The following GATB variants were observed in gnomAD, a reference collection of about 807,000 sequenced individuals.
The protein encoded by GATB is glutamyl-tRNA amidotransferase subunit B.
A neutral mutation model predicts 62.3 loss-of-function variants in GATB; 39 were observed. The observed-to-expected ratio is 0.63, with a 90% CI of 0.48 to 0.82. The LOEUF (loss-of-function observed/expected upper bound fraction) is 0.82. Ranked by LOEUF, GATB falls within the 40% of genes least tolerant of loss-of-function variation. The pLI, the probability that GATB is intolerant of heterozygous loss-of-function variation, is 0.00. For synonymous variants in GATB, 276 were observed against 258.9 expected (o/e 1.07, Z -0.63); for missense variants, 670 against 684.0 (o/e 0.98, Z 0.23).
chr4:151,738,479 C>A (rs1215050238), intron 2 of GATB, among the ~76,000 whole-genome samples: 1 of 152,188 alleles, frequency 6.6e-6, no homozygotes, highest in Non-Finnish European at 1.5e-5. Flanking sequence ...TGAGGCCTCC[C>A]CAGCCAGGTG....
Position 151,760,958 on chromosome 4 carries a change from C to T in GATB, c.25G>A (p.Gly9Ser), listed in dbSNP as rs148032516. 6.2e-7 allele frequency: 1 copy of T among 1,612,646 alleles called. No individual in the cohort carries two copies. The highest frequency in any genetic ancestry group is 8.5e-7 in the Non-Finnish European group (1 of 1,179,576). MAAPMLRWGCRGRRWAFAR... is the reference protein window; with the variant it reads MAAPMLRWSCRGRRWAFAR... ...AAAGCCCAACGTCTTCCACGGCAGCCCCAGCGCAGCATGGGCGCCGCCATT... is the reference window on the plus strand; with the variant it reads ...AAAGCCCAACGTCTTCCACGGCAGCTCCAGCGCAGCATGGGCGCCGCCATT... The change falls in exon 1 of 13, where the codon GGC (glycine) becomes AGC (serine). Residue 9 changes from glycine (G) to serine (S), a missense_variant. By Grantham distance (56) the Gly-to-Ser change is moderately conservative. Coordinates refer to ENST00000263985, the MANE Select transcript of GATB (RefSeq NM_004564.3).
chr4:151,697,987 A>ATATATATGTG (rs1738522403), intron 9 of GATB, among the ~76,000 whole-genome samples: 1 of 139,244 alleles, frequency 7.2e-6, no homozygotes, highest in African/African-American at 2.8e-5. Flanking sequence ...ATATATATAT[A>ATATATATGTG]TATATATGAA....
intron 11 of GATB, among the ~76,000 whole-genome samples, chr4:151,679,321 C>T (rs1455332962): frequency 3.9e-5 from 6 of 152,312 alleles, no homozygotes; most frequent in South Asian, 2.1e-4. Context: ...TTTCACACAC[C>T]GGGCATGTCT....
rs1167259787 is a variant in GATB, at chr4:151,671,315, A to T, written c.1546-13T>A. 3.4e-6 allele frequency: 5 copies of T among 1,478,788 alleles called. No homozygotes were observed. In the South Asian group the frequency reaches 4.7e-5, roughly 14 times the overall value. 91.6% of individuals were successfully genotyped at this position (1,478,788 alleles called of 1,614,324 possible). On this transcript the variant is annotated splice_polypyrimidine_tract_variant and intron_variant, in intron 12 of 12. Transcript: ENST00000263985. The stretch of plus-strand genomic sequence containing the variant: ...TCACATCCATTACCTAGAAGGACAG[A>T]AATTACTTACTTAAGAGGAGAAAAT...
At chr4:151,729,915 C>T (rs938095660) in intron 2 of GATB, among the ~76,000 whole-genome samples, 4 of 152,136 alleles carry the variant, frequency 2.6e-5, no homozygotes, top group Non-Finnish European at 5.9e-5. Context: ...GAGCAGCATG[C>T]GGAGGCTTGC....
chr4:151,706,927 G>T (rs1560851447), intron 6 of GATB, among the ~76,000 whole-genome samples: 1 of 152,104 alleles, frequency 6.6e-6, no homozygotes, highest in Non-Finnish European at 1.5e-5. Flanking sequence ...GTCCTCTGAG[G>T]TCCTCCCCTT....
intron 10 of GATB, among the ~76,000 whole-genome samples, chr4:151,686,646 C>T (rs549828642): frequency 2.2e-4 from 16 of 72,774 alleles, no homozygotes; most frequent in Non-Finnish European, 3.2e-4. Context: ...CACCAGTCCC[C>T]GCCCCGCCCC....
intron 2 of GATB, among the ~76,000 whole-genome samples, chr4:151,747,927 A>G (rs1739635009): frequency 2.6e-5 from 4 of 152,164 alleles, no homozygotes; most frequent in Admixed American, 2.6e-4. Context: ...TGTAAGAAGC[A>G]ATATCTGCTA....
intron 2 of GATB, among the ~76,000 whole-genome samples, chr4:151,744,933 A>G (rs748377052): frequency 6.6e-6 from 1 of 152,248 alleles, no homozygotes; most frequent in Non-Finnish European, 1.5e-5. Context: ...TGTGGGTATG[A>G]GCTCACAGAC....
At chr4:151,719,779 G>A (rs951851609) in intron 2 of GATB, 24 of 351,584 alleles carry the variant, frequency 6.8e-5, no homozygotes, top group South Asian at 5.0e-4. Flanking sequence ...CTGCCACATC[G>A]GGAACCCTTT....
chr4:151,684,279 C>T (rs1738201227), intron 10 of GATB, among the ~76,000 whole-genome samples: 1 of 152,228 alleles, frequency 6.6e-6, no homozygotes, highest in Admixed American at 6.5e-5. Context: ...CCACAAAATG[C>T]TTGCTCAGGA....
intron 2 of GATB, chr4:151,720,582 TA>T (rs1739012601): frequency 6.6e-6 from 1 of 152,216 alleles, no homozygotes; most frequent in Admixed American, 6.5e-5. Context: ...AATATACTAT[TA>T]TTGATATAGA....
chr4:151,712,463 T>C (rs1738836739), intron 5 of GATB, among the ~76,000 whole-genome samples: 1 of 152,138 alleles, frequency 6.6e-6, no homozygotes, highest in South Asian at 2.1e-4. Context: ...AAAAAAACTA[T>C]ACCACTGAGC....
At chr4:151,695,663 A>G (rs189510915) in intron 9 of GATB, among the ~76,000 whole-genome samples, 140 of 152,236 alleles carry the variant, frequency 9.2e-4, no homozygotes, top group African/African-American at 3.2e-3. Flanking sequence ...AGTTCCTATT[A>G]AAGGCCAGTC....
chr4:151,714,729 G>A (rs557461614), intron 5 of GATB, among the ~76,000 whole-genome samples: 2 of 152,242 alleles, frequency 1.3e-5, no homozygotes, highest in South Asian at 4.1e-4. Context: ...CTTTCTTAAA[G>A]CAATCAACAC....
chr4:151,686,641 GT>G lies in GATB; in HGVS notation c.1331+1988del, dbSNP rs2126959672. Reference sequence around the variant, plus strand: ...CTCTCCCTTGGCTTCTGTGTCACCAGTCCCCGCCCCGCCCCCCCCCCACCCC... The same window carrying G: ...CTCTCCCTTGGCTTCTGTGTCACCAGCCCCGCCCCGCCCCCCCCCCACCCC... On this transcript the variant is annotated intron_variant, in intron 10 of 12. Coordinates refer to ENST00000263985, the MANE Select transcript of GATB (RefSeq NM_004564.3). 2.5e-5 allele frequency among the ~76,000 whole-genome samples: 2 copies of G among 78,468 alleles called. 1 individual carries two copies. Among genetic ancestry groups the G allele is most frequent in the South Asian group, 1.1e-3 (2 of 1,890 alleles). 51.5% of individuals were successfully genotyped at this position (78,468 alleles called of 152,430 possible).
chr4:151,736,248 GA>G (rs1453528645), intron 2 of GATB, among the ~76,000 whole-genome samples: 5 of 152,116 alleles, frequency 3.3e-5, no homozygotes, highest in Non-Finnish European at 7.4e-5. Flanking sequence ...AGTATCTATA[GA>G]AAAGTATATA....
intron 9 of GATB, among the ~76,000 whole-genome samples, 174 bp downstream of exon 9, chr4:151,701,154 AG>A (rs1319538499): frequency 6.6e-6 from 1 of 152,192 alleles, no homozygotes; most frequent in East Asian, 1.9e-4. Context: ...TTTACCATAA[AG>A]GGTAGTGAGC....
chr4:151,753,138 G>C (rs1207097329), intron 2 of GATB, among the ~76,000 whole-genome samples: 1 of 152,172 alleles, frequency 6.6e-6, no homozygotes, highest in Non-Finnish European at 1.5e-5. Context: ...TACAGATGCT[G>C]TCTGATACCG....
Sources: allele counts gnomAD v4.1 joint callset (sites outside exome capture counted in the v4.1 genomes callset), GRCh38; gene constraint gnomAD v4.1.1; transcripts MANE v1.5; gene names NCBI Gene and HGNC (gene_info 2026-07-23, HGNC 2026-07-21).